PAK1: variants seen among roughly 807,000 people sequenced by gnomAD.
PAK1 encodes the protein serine/threonine-protein kinase PAK 1.
Under a neutral mutation model 67.4 loss-of-function variants are expected in PAK1, and 29 were observed. The ratio of observed to expected loss-of-function variants is 0.43; its 90% CI spans 0.32 to 0.59. The LOEUF (loss-of-function observed/expected upper bound fraction) is 0.59. PAK1 is among the 20% of genes least tolerant of loss of function. PAK1 has a pLI of 0.07. For missense variants in PAK1, 337 were observed against 670.7 expected, an observed-to-expected ratio of 0.50 and a Z score of 5.50; for synonymous variants, 223 against 237.4, an observed-to-expected ratio of 0.94 and a Z score of 0.56.
chr11:77,411,727 C>T (rs1189480450), intron 1 of PAK1: 1 of 152,342 alleles, frequency 6.6e-6, no homozygotes, highest in Non-Finnish European at 1.5e-5. Flanking sequence ...CGGAGATCCC[C>T]CAGAACCCGG....
chr11:77,490,582 G>T, the PAK1 span, among the ~76,000 whole-genome samples: 1 of 152,028 alleles, frequency 6.6e-6, no homozygotes, highest in Non-Finnish European at 1.5e-5. Context: ...CCCCTACTGG[G>T]AAGTGAGGAG....
At chr11:77,421,108 A>C (rs1955237394) in intron 1 of PAK1, among the ~76,000 whole-genome samples, 1 of 152,114 alleles carries the variant, frequency 6.6e-6, no homozygotes, top group Admixed American at 6.5e-5. Flanking sequence ...AGAAAAACAT[A>C]CAAGGCCTTA....
chr11:77,493,445 AT>A, the PAK1 span, among the ~76,000 whole-genome samples: 1,699 of 70,886 alleles, frequency 0.024, 61 homozygotes, highest in African/African-American at 0.11. Context: ...TGCCCAGCTA[AT>A]TTTTTTTTTT....
chr11:77,485,041 G>A, the PAK1 span, among the ~76,000 whole-genome samples: 1 of 152,236 alleles, frequency 6.6e-6, no homozygotes, highest in East Asian at 1.9e-4. Flanking sequence ...CACAAGAACA[G>A]CATGGGAAAG....
At chr11:77,363,630 C>T (rs146853696) in intron 5 of PAK1, among the ~76,000 whole-genome samples, 196 of 152,280 alleles carry the variant, frequency 1.3e-3, no homozygotes, top group African/African-American at 4.4e-3. Flanking sequence ...CTTGCCTTCT[C>T]TAATGCATCT....
the PAK1 span, among the ~76,000 whole-genome samples, chr11:77,499,662 T>A: frequency 6.6e-6 from 1 of 152,198 alleles, no homozygotes; most frequent in Non-Finnish European, 1.5e-5. Context: ...GTTATACCTT[T>A]ATTACACTTT....
chr11:77,443,418 G>C (rs1274577438), intron 1 of PAK1, among the ~76,000 whole-genome samples: 7 of 152,004 alleles, frequency 4.6e-5, no homozygotes, highest in Admixed American at 2.0e-4. Flanking sequence ...GCTCTGCTCA[G>C]TGAAGTCAAA....
At chr11:77,420,811 AC>A (rs1955219440) in intron 1 of PAK1, among the ~76,000 whole-genome samples, 3 of 152,310 alleles carry the variant, frequency 2.0e-5, no homozygotes, top group African/African-American at 7.2e-5. Context: ...TTGGATTAAA[AC>A]AACTGGGTAA....
chr11:77,453,823 G>A (rs1956964893), intron 1 of PAK1, among the ~76,000 whole-genome samples: 1 of 152,076 alleles, frequency 6.6e-6, no homozygotes, highest in African/African-American at 2.4e-5. Context: ...GCTCACACCT[G>A]TAATCTTAGC....
chr11:77,473,178 G>C (rs1957947204), intron 1 of PAK1, among the ~76,000 whole-genome samples: 1 of 152,210 alleles, frequency 6.6e-6, no homozygotes, highest in Admixed American at 6.5e-5. Context: ...CTCGTAGCGG[G>C]ACAGGGTGAG....
chr11:77,499,798 C>CAA, the PAK1 span, among the ~76,000 whole-genome samples: 1 of 149,288 alleles, frequency 6.7e-6, no homozygotes, highest in African/African-American at 2.4e-5. Flanking sequence ...TGACACTGCA[C>CAA]ACACACACAC....
chr11:77,398,571 A>T (rs1952161061), intron 1 of PAK1, among the ~76,000 whole-genome samples: 1 of 152,028 alleles, frequency 6.6e-6, no homozygotes, highest in South Asian at 2.1e-4. Flanking sequence ...CATTTTCTTT[A>T]TCCTTTCATC....
chr11:77,459,182 A>G (rs1446321508), intron 1 of PAK1, among the ~76,000 whole-genome samples: 1 of 152,212 alleles, frequency 6.6e-6, no homozygotes, highest in Non-Finnish European at 1.5e-5. Flanking sequence ...AGTTCCCTGA[A>G]TAACTAATTT....
chr11:77,506,332 G>A, the PAK1 span, among the ~76,000 whole-genome samples: 1 of 152,172 alleles, frequency 6.6e-6, no homozygotes, highest in African/African-American at 2.4e-5. Flanking sequence ...TTATAGGTAG[G>A]AAAGTAAGGC....
chr11:77,398,482 G>C (rs949823602), intron 1 of PAK1, among the ~76,000 whole-genome samples: 2 of 152,064 alleles, frequency 1.3e-5, no homozygotes, highest in Non-Finnish European at 2.9e-5. Context: ...CATTGTACAT[G>C]TTCCATCCAT....
At chr11:77,408,323 CAT>C (rs1382222436) in intron 1 of PAK1, 2 of 152,196 alleles carry the variant, frequency 1.3e-5, no homozygotes, top group South Asian at 4.1e-4. Flanking sequence ...ATTGTACATA[CAT>C]ATATACACAC....
the PAK1 span, among the ~76,000 whole-genome samples, chr11:77,507,768 C>T: frequency 1.3e-5 from 2 of 152,138 alleles, no homozygotes; most frequent in African/African-American, 4.8e-5. Context: ...TCAAGCAATC[C>T]TCTCACCTTG....
intron 9 of PAK1, among the ~76,000 whole-genome samples, chr11:77,347,757 C>T (rs1944648480): frequency 6.6e-6 from 1 of 152,146 alleles, no homozygotes; most frequent in Admixed American, 6.5e-5. Context: ...AATACATACA[C>T]ATGTATATGA....
chr11:77,361,081 G>T (rs1472677516), intron 5 of PAK1, among the ~76,000 whole-genome samples: 2 of 152,174 alleles, frequency 1.3e-5, no homozygotes, highest in East Asian at 3.9e-4. Flanking sequence ...GCTACATAAA[G>T]AATAAAACAG....
Sources: allele counts gnomAD v4.1 joint callset (sites outside exome capture counted in the v4.1 genomes callset), GRCh38; gene constraint gnomAD v4.1.1; transcripts MANE v1.5; gene names NCBI Gene and HGNC (gene_info 2026-07-23, HGNC 2026-07-21).